Variants in PARL observed in about 807,000 individuals in gnomAD.
PARL encodes the protein presenilin associated rhomboid like.
A neutral mutation model predicts 51.6 loss-of-function variants in PARL; 44 were observed. The observed-to-expected ratio is 0.85, with a 90% CI of 0.67 to 1.10. The LOEUF (loss-of-function observed/expected upper bound fraction) is 1.10, where lower values mean the gene tolerates loss of function less well. Among genes scored for constraint, PARL ranks in the 50% least tolerant of loss-of-function variants. The pLI, the probability that PARL is intolerant of heterozygous loss-of-function variation, is 0.00. For synonymous variants in PARL, 172 were observed against 164.0 expected (o/e 1.05, Z -0.37); for missense variants, 441 against 469.5 (o/e 0.94, Z 0.56).
chr3:183,833,857 AC>A, intron 7 of PARL, 32 bp from the exon 8 acceptor site: 1 of 1,361,154 alleles, frequency 7.3e-7, no homozygotes. Flanking sequence ...AGAATGGGAA[AC>A]TCAATATGCA....
chr3:183,876,829 T>G (rs1413612253), intron 1 of PARL, among the ~76,000 whole-genome samples: 1 of 152,102 alleles, frequency 6.6e-6, no homozygotes, highest in Admixed American at 6.6e-5. Context: ...ATTAACAGTT[T>G]AGAAGAAGTT....
intron 1 of PARL, among the ~76,000 whole-genome samples, chr3:183,870,473 C>T (rs1244503003): frequency 6.6e-6 from 1 of 151,780 alleles, no homozygotes; most frequent in East Asian, 2.0e-4. Context: ...ACTGCTTTTC[C>T]TCCACATTCT....
chr3:183,863,385 G>GA (rs1732068277), intron 3 of PARL, among the ~76,000 whole-genome samples: 3 of 150,654 alleles, frequency 2.0e-5, no homozygotes, highest in Admixed American at 6.6e-5. Context: ...GGAAATAGAT[G>GA]AAAAAAAAAT....
chr3:183,839,444 G>A (rs1285385284), intron 7 of PARL, among the ~76,000 whole-genome samples: 1 of 152,058 alleles, frequency 6.6e-6, no homozygotes, highest in Non-Finnish European at 1.5e-5. Context: ...TGTGAGACAG[G>A]GTCTTGTTCT....
chr3:183,843,150 C>T (rs1245022386), intron 5 of PARL: 3 of 955,012 alleles, frequency 3.1e-6, no homozygotes, highest in Non-Finnish European at 3.7e-6. Flanking sequence ...TCCCCAAGTG[C>T]TGGGATTATA....
At chr3:183,856,788 T>C (rs1161760645) in intron 4 of PARL, among the ~76,000 whole-genome samples, 1 of 152,262 alleles carries the variant, frequency 6.6e-6, no homozygotes, top group Non-Finnish European at 1.5e-5. Context: ...CTGATGTATT[T>C]ATACTCTGTA....
At chr3:183,849,448 AC>A (rs1730312011) in intron 4 of PARL, among the ~76,000 whole-genome samples, 1 of 152,238 alleles carries the variant, frequency 6.6e-6, no homozygotes, top group South Asian at 2.1e-4. Context: ...AGAAGAAATC[AC>A]GAGGGCAACT....
intron 6 of PARL, 89 bp downstream of exon 6, chr3:183,842,209 G>T: frequency 1.6e-6 from 2 of 1,235,516 alleles, no homozygotes; most frequent in Non-Finnish European, 2.4e-6. Context: ...ACTACGTGTA[G>T]AATATGGCAG....
At chr3:183,846,425 G>A (rs1240433253) in intron 4 of PARL, 14 of 591,010 alleles carry the variant, frequency 2.4e-5, no homozygotes, top group South Asian at 7.5e-5. Context: ...CCCAGGAGGC[G>A]GAGGTTGAGG....
At position 183,836,132 on chromosome 3, in the gene PARL, G is replaced by A. The variant is rs559588709; in HGVS notation, c.829-2307C>T. ...CTCAGGAGGTTGAGGCAGGAGAATT[G>A]CTTGAACCCGGGAGGCAGAGGTTGT... On this transcript the variant is annotated intron_variant, in intron 7 of 9. Transcript: ENST00000317096. Among the ~76,000 whole-genome samples the A allele has an allele frequency of 2.1e-5, 3 of 144,808 alleles. No homozygotes were observed. The South Asian group carries it at 6.5e-4, about 31-fold the overall frequency. 95.0% of individuals were successfully genotyped at this position (144,808 alleles called of 152,430 possible).
intron 4 of PARL, among the ~76,000 whole-genome samples, chr3:183,847,019 A>G (rs890000967): frequency 2.6e-5 from 4 of 152,236 alleles, no homozygotes; most frequent in African/African-American, 9.6e-5. Flanking sequence ...CTAGGACTTC[A>G]GACACCACAT....
At chr3:183,827,419 A>G (rs1727497483), downstream of PARL, among the ~76,000 whole-genome samples, 1 of 109,464 alleles carries the variant, frequency 9.1e-6, no homozygotes, top group African/African-American at 3.0e-5. Context: ...TCCAGCCTGG[A>G]CGAGAGAGAG....
intron 4 of PARL, among the ~76,000 whole-genome samples, chr3:183,853,722 G>C (rs1264375684): frequency 6.6e-6 from 1 of 152,124 alleles, no homozygotes; most frequent in African/African-American, 2.4e-5. Flanking sequence ...ACCACAGTGA[G>C]GTATTATCTC....
intron 9 of PARL, among the ~76,000 whole-genome samples, chr3:183,832,413 G>T (rs962751012): frequency 6.6e-6 from 1 of 151,916 alleles, no homozygotes; most frequent in Non-Finnish European, 1.5e-5. Context: ...TAGAGACGGG[G>T]TTTCACTGTG....
At chr3:183,840,695 T>A in intron 6 of PARL, 55 bp from the exon 7 acceptor site, 1 of 897,178 alleles carries the variant, frequency 1.1e-6, no homozygotes, top group Non-Finnish European at 1.8e-6. Context: ...ATGGTTTACT[T>A]TTTTTTTTCT....
chr3:183,870,806 C>T (rs1226733658), intron 1 of PARL, among the ~76,000 whole-genome samples: 3 of 152,178 alleles, frequency 2.0e-5, no homozygotes, highest in Non-Finnish European at 4.4e-5. Context: ...GACTTTCTTG[C>T]AGTTCCTATG....
At chr3:183,828,464 C>G (rs1430614215), downstream of PARL, among the ~76,000 whole-genome samples, 2 of 152,226 alleles carry the variant, frequency 1.3e-5, no homozygotes, top group Non-Finnish European at 2.9e-5. Context: ...AGATAACTCT[C>G]TCCCCTAGAA....
intron 4 of PARL, among the ~76,000 whole-genome samples, chr3:183,847,145 T>C (rs1006149446): frequency 1.3e-5 from 2 of 152,182 alleles, no homozygotes; most frequent in African/African-American, 4.8e-5. Context: ...TGGCTAAAAG[T>C]ATGGGTGAAG....
At chr3:183,845,488 T>C (rs1729843135) in intron 4 of PARL, among the ~76,000 whole-genome samples, 1 of 152,248 alleles carries the variant, frequency 6.6e-6, no homozygotes, top group African/African-American at 2.4e-5. Flanking sequence ...TGCATTTTGT[T>C]GAACTGATTC....
Sources: gnomAD v4.1 joint callset for allele counts (sites outside exome capture counted in the v4.1 genomes callset) on GRCh38, gnomAD v4.1.1 for gene constraint, MANE v1.5 for transcripts, NCBI Gene and HGNC (gene_info 2026-07-23, HGNC 2026-07-21) for gene names.